Variants in PAK5 observed in about 807,000 individuals in gnomAD.
PAK5 encodes the protein p21 (RAC1) activated kinase 5.
PAK5 carries 16 observed loss-of-function variants against 65.9 expected under a neutral mutation model. The ratio of observed to expected loss-of-function variants is 0.24; its 90% CI spans 0.16 to 0.37. PAK5 has a LOEUF of 0.37. Among genes scored for constraint, PAK5 ranks in the 10% least tolerant of loss-of-function variants. PAK5 has a pLI of 1.00. For missense variants in PAK5, 785 were observed against 903.9 expected (o/e 0.87, Z 1.69); for synonymous variants, 371 against 354.9 (o/e 1.05, Z -0.51).
intron 2 of PAK5, among the ~76,000 whole-genome samples, chr20:9,679,159 C>T (rs1316102941): frequency 6.6e-6 from 1 of 152,144 alleles, no homozygotes. Context: ...AATATATTTT[C>T]TCTTGCCTGT....
chr20:9,570,371 A>G (rs187602646), intron 4 of PAK5, among the ~76,000 whole-genome samples: 2 of 152,342 alleles, frequency 1.3e-5, no homozygotes, highest in African/African-American at 4.8e-5. Flanking sequence ...TGTAGTTAAC[A>G]TTAATATATT....
At chr20:9,653,153 T>G (rs2047222680) in intron 2 of PAK5, among the ~76,000 whole-genome samples, 2 of 152,128 alleles carry the variant, frequency 1.3e-5, no homozygotes, top group Non-Finnish European at 2.9e-5. Context: ...ATATTTAAAT[T>G]TATTCATTTC....
At chr20:9,671,537 T>C (rs1374626147) in intron 2 of PAK5, among the ~76,000 whole-genome samples, 1 of 152,008 alleles carries the variant, frequency 6.6e-6, no homozygotes, top group Admixed American at 6.6e-5. Flanking sequence ...TTTGAATCAA[T>C]TGTGAATGGG....
At chr20:9,790,277 C>A (rs1349751164) in intron 1 of PAK5, among the ~76,000 whole-genome samples, 1 of 152,084 alleles carries the variant, frequency 6.6e-6, no homozygotes, top group Admixed American at 6.6e-5. Context: ...TAAGGTATAG[C>A]ATCTTATGTA....
At chr20:9,778,724 A>T (rs1168997277) in intron 1 of PAK5, among the ~76,000 whole-genome samples, 2 of 152,200 alleles carry the variant, frequency 1.3e-5, no homozygotes, top group Non-Finnish European at 2.9e-5. Flanking sequence ...TTCCAGTGAT[A>T]TGTTGGTCTA....
intron 2 of PAK5, among the ~76,000 whole-genome samples, chr20:9,673,861 C>T (rs1175614838): frequency 6.6e-6 from 1 of 152,150 alleles, no homozygotes; most frequent in African/African-American, 2.4e-5. Context: ...CTACCAACCC[C>T]CAGCACTCCT....
chr20:9,689,458 CCTTT>C (rs1156844217), intron 2 of PAK5, among the ~76,000 whole-genome samples: 1 of 152,190 alleles, frequency 6.6e-6, no homozygotes, highest in Admixed American at 6.5e-5. Context: ...CCCTCTTCTT[CCTTT>C]GTGTCTACAT....
intron 1 of PAK5, among the ~76,000 whole-genome samples, chr20:9,765,072 G>T (rs780500647): frequency 5.9e-5 from 9 of 152,078 alleles, no homozygotes; most frequent in Non-Finnish European, 1.2e-4. Context: ...TTGCTCCAGC[G>T]GTGACCATGG....
intron 1 of PAK5, among the ~76,000 whole-genome samples, chr20:9,822,439 C>T (rs772968984): frequency 6.6e-6 from 1 of 152,148 alleles, no homozygotes; most frequent in African/African-American, 2.4e-5. Flanking sequence ...ATAATAACAG[C>T]TCCCTGCTTA....
intron 1 of PAK5, among the ~76,000 whole-genome samples, chr20:9,819,548 C>G (rs1299167282): frequency 6.6e-6 from 1 of 152,196 alleles, no homozygotes; most frequent in Non-Finnish European, 1.5e-5. Flanking sequence ...TTTACCTACA[C>G]TAATGAACAT....
intron 1 of PAK5, among the ~76,000 whole-genome samples, chr20:9,827,913 C>G (rs1051884772): frequency 6.6e-6 from 1 of 152,216 alleles, no homozygotes; most frequent in Non-Finnish European, 1.5e-5. Flanking sequence ...CTCACTGCAA[C>G]ATCTGCCTCC....
intron 1 of PAK5, among the ~76,000 whole-genome samples, chr20:9,831,664 C>T (rs1419606958): frequency 1.1e-4 from 16 of 152,144 alleles, no homozygotes; most frequent in Admixed American, 3.9e-4. Flanking sequence ...TGCGCCACCA[C>T]GCTCAGCTAA....
intron 3 of PAK5, among the ~76,000 whole-genome samples, chr20:9,618,915 G>GT (rs150725498): frequency 0.091 from 1,707 of 18,830 alleles, 617 homozygotes; most frequent in African/African-American, 0.15. Context: ...TCTTTCTTTC[G>GT]TTTTTTTTTT....
intron 1 of PAK5, among the ~76,000 whole-genome samples, chr20:9,792,577 C>T (rs2049061180): frequency 6.6e-6 from 1 of 152,150 alleles, no homozygotes; most frequent in African/African-American, 2.4e-5. Context: ...TCTCTGAACA[C>T]ATCTACAATT....
At chr20:9,590,664 G>A (rs1362238282) in intron 3 of PAK5, among the ~76,000 whole-genome samples, 3 of 151,798 alleles carry the variant, frequency 2.0e-5, no homozygotes, top group Admixed American at 2.0e-4. Context: ...AGCTGAATGT[G>A]GTTTCTTAGA....
At chr20:9,786,819 T>C (rs1270239967) in intron 1 of PAK5, among the ~76,000 whole-genome samples, 1 of 152,156 alleles carries the variant, frequency 6.6e-6, no homozygotes, top group Non-Finnish European at 1.5e-5. Flanking sequence ...TCCATCAGAC[T>C]GGACATTTGA....
At chr20:9,617,046 C>A (rs2046669695) in intron 3 of PAK5, among the ~76,000 whole-genome samples, 1 of 152,056 alleles carries the variant, frequency 6.6e-6, no homozygotes, top group Admixed American at 6.5e-5. Context: ...CAGAAAAATG[C>A]CAAGTCATAA....
At chr20:9,642,699 T>C (rs1020261926) in intron 3 of PAK5, among the ~76,000 whole-genome samples, 1 of 152,246 alleles carries the variant, frequency 6.6e-6, no homozygotes, top group Non-Finnish European at 1.5e-5. Flanking sequence ...TATTTCCACA[T>C]GCAAACTAGT....
At chr20:9,832,424 C>T (rs1450282616) in intron 1 of PAK5, among the ~76,000 whole-genome samples, 1 of 152,034 alleles carries the variant, frequency 6.6e-6, no homozygotes, top group Non-Finnish European at 1.5e-5. Flanking sequence ...AGGAGTGTGC[C>T]ACCACACCCA....
Sources: gnomAD v4.1 joint callset for allele counts (sites outside exome capture counted in the v4.1 genomes callset) on GRCh38, gnomAD v4.1.1 for gene constraint, MANE v1.5 for transcripts, NCBI Gene and HGNC (gene_info 2026-07-23, HGNC 2026-07-21) for gene names.